The following OBP2B variants were observed in gnomAD, a reference collection of about 807,000 sequenced individuals.
OBP2B encodes the protein odorant-binding protein 2b.
A neutral mutation model predicts 21.7 loss-of-function variants in OBP2B; 10 were observed. The observed-to-expected ratio is 0.46, with a 90% CI of 0.28 to 0.78. The LOEUF is 0.78. OBP2B is among the 30% of genes least tolerant of loss of function. The probability of loss-of-function intolerance (pLI) is 0.11; values close to 1 mark genes in which losing one functional copy is unlikely to be tolerated. For missense variants in OBP2B, 153 were observed against 217.7 expected, an observed-to-expected ratio of 0.70 and a Z score of 1.87; for synonymous variants, 73 against 91.5, an observed-to-expected ratio of 0.80 and a Z score of 1.16.
chr9:133,207,167 C>T, intron 4 of OBP2B, 59 bp downstream of exon 4: 9 of 1,208,662 alleles, frequency 7.4e-6, no homozygotes, highest in Non-Finnish European at 1.1e-5. Context: ...GCTGGTTCCA[C>T]CGGCTTCCAG....
intron 4 of OBP2B, among the ~76,000 whole-genome samples, 188 bp downstream of exon 4, chr9:133,207,038 G>C (rs1328725962): frequency 6.6e-6 from 1 of 152,076 alleles, no homozygotes; most frequent in South Asian, 2.1e-4. Context: ...GGCCATGTCT[G>C]TCCCTGCCTG....
upstream of OBP2B, among the ~76,000 whole-genome samples, chr9:133,214,231 C>CA (rs1833948616): frequency 6.6e-6 from 1 of 152,162 alleles, no homozygotes; most frequent in Non-Finnish European, 1.5e-5. Context: ...AGAGCATCTA[C>CA]AAAAAACCTA....
At chr9:133,222,530 T>C in the OBP2B span, among the ~76,000 whole-genome samples, 20 of 152,168 alleles carry the variant, frequency 1.3e-4, no homozygotes, top group East Asian at 3.7e-3. Flanking sequence ...GAGTTCAAGA[T>C]CAGCCTGGCC....
chr9:133,206,936 T>C (rs1833736934), intron 4 of OBP2B, among the ~76,000 whole-genome samples: 1 of 151,872 alleles, frequency 6.6e-6, no homozygotes, highest in East Asian at 1.9e-4. Flanking sequence ...TGAAGAGCTC[T>C]CTTAGGACGC....
chr9:133,214,461 A>G, the OBP2B span, among the ~76,000 whole-genome samples: 24 of 152,360 alleles, frequency 1.6e-4, no homozygotes, highest in East Asian at 3.9e-4. Flanking sequence ...AGGTGTGGGA[A>G]ATATGTGGGA....
At chr9:133,208,697 G>A (rs1162227970) in intron 1 of OBP2B, 95 bp from the exon 2 acceptor site, 28 of 1,525,768 alleles carry the variant, frequency 1.8e-5, no homozygotes, top group Non-Finnish European at 2.2e-5. Context: ...GACACCCATG[G>A]TGCCCGGCTG....
chr9:133,207,801 C>T, intron 3 of OBP2B: 1 of 1,337,558 alleles, frequency 7.5e-7, no homozygotes, highest in Non-Finnish European at 1.0e-6. Flanking sequence ...CATCCTTAAC[C>T]CTCAGCTTCC....
chr9:133,211,543 T>C (rs780977176), upstream of OBP2B, among the ~76,000 whole-genome samples: 5 of 152,224 alleles, frequency 3.3e-5, no homozygotes, highest in Admixed American at 1.3e-4. Context: ...GAAACCCAGA[T>C]GTGCAAGTGA....
intron 6 of OBP2B, chr9:133,205,716 G>A (rs1833681808): frequency 1.0e-5 from 6 of 575,600 alleles, no homozygotes; most frequent in Non-Finnish European, 5.8e-6. Context: ...GGGCTGGCAG[G>A]TGCAGGAATG....
intron 3 of OBP2B, among the ~76,000 whole-genome samples, chr9:133,207,661 C>A (rs1307445901): frequency 3.9e-5 from 6 of 151,930 alleles, no homozygotes; most frequent in African/African-American, 1.2e-4. Flanking sequence ...TCAGCTTCCG[C>A]AGCACTAACC....
At chr9:133,206,131 C>T (rs1332003369) in intron 5 of OBP2B, among the ~76,000 whole-genome samples, 184 bp downstream of exon 5, 3 of 151,918 alleles carry the variant, frequency 2.0e-5, no homozygotes, top group African/African-American at 2.4e-5. Flanking sequence ...CAGACCCCAT[C>T]GCAGCCCAGA....
At chr9:133,216,011 G>A in the OBP2B span, among the ~76,000 whole-genome samples, 3 of 152,152 alleles carry the variant, frequency 2.0e-5, no homozygotes, top group African/African-American at 7.2e-5. Context: ...GAAAATCTTT[G>A]GGATATGGAG....
rs1833847926 is a variant in OBP2B, at chr9:133,209,003, C to G, written c.72+125G>C. 1 of 944,802 alleles carries G rather than the reference C, an allele frequency of 1.1e-6. No individual in the cohort carries two copies. The highest frequency in any genetic ancestry group is 1.7e-5 in the African/African-American group (1 of 59,964). 58.5% of individuals were successfully genotyped at this position (944,802 alleles called of 1,614,324 possible). A position where few individuals can be genotyped will look rare whatever the true frequency, so the allele number is the denominator to read the frequency against. On this transcript the variant is annotated intron_variant, in intron 1 of 6. Transcript: ENST00000372034. The surrounding 1 kb of genome is among the most constrained non-coding windows in gnomAD (Gnocchi z 6.0). ...ACAATAGGACCCCTCCACCACCACCCCAGGCTGGGAGCACGGGGTCAGAAG... is the reference window on the plus strand; with the variant it reads ...ACAATAGGACCCCTCCACCACCACCGCAGGCTGGGAGCACGGGGTCAGAAG...
At position 133,206,304 on chromosome 9, in the gene OBP2B, G is replaced by A. The variant is rs782353627; in HGVS notation, c.490+11C>T. 1.3e-5 allele frequency: 21 copies of A among 1,612,160 alleles called. No homozygotes were observed. The highest frequency in any genetic ancestry group is 2.2e-5 in the East Asian group (1 of 44,860). Reference sequence around the variant, plus strand: ...AGAGGGACACAGGGGACTGGGCACAGCCATCCTCACCCGTCTGCAGGGGCG... The same window carrying A: ...AGAGGGACACAGGGGACTGGGCACAACCATCCTCACCCGTCTGCAGGGGCG... On this transcript the variant is annotated intron_variant, in intron 5 of 6. Coordinates refer to ENST00000372034, the MANE Select transcript of OBP2B (RefSeq NM_014581.4).
the OBP2B span, among the ~76,000 whole-genome samples, chr9:133,221,013 A>G: frequency 6.6e-6 from 1 of 152,198 alleles, no homozygotes. Context: ...TCCAGAAGGA[A>G]CCAGCCCTGC....
Position 133,209,044 on chromosome 9 carries a change from A to C in OBP2B, c.72+84T>G. 2 of 1,563,252 alleles carry C rather than the reference A, an allele frequency of 1.3e-6. No homozygotes were observed. The highest frequency in any genetic ancestry group is 1.7e-6 in the Non-Finnish European group (2 of 1,153,956). ...GGGTCAGAAGCCAGCCTTCAGTGACACCTCCTAAAGCAGGGCCCCTGGCAC... is the reference window on the plus strand; with the variant it reads ...GGGTCAGAAGCCAGCCTTCAGTGACCCCTCCTAAAGCAGGGCCCCTGGCAC... On this transcript the variant is annotated intron_variant, in intron 1 of 6. Coordinates refer to ENST00000372034, the MANE Select transcript of OBP2B (RefSeq NM_014581.4). This position sits in a 1 kb window ranked among gnomAD's most constrained non-coding sequence, Gnocchi z 6.0.
At chr9:133,205,728 TAAAAC>T in intron 6 of OBP2B, 184 bp downstream of exon 6, 1 of 823,030 alleles carries the variant, frequency 1.2e-6, no homozygotes, top group South Asian at 1.7e-5. Context: ...GCAGGAATGA[TAAAAC>T]AAAGGACTTC....
chr9:133,209,948 T>C (rs563847948), upstream of OBP2B, among the ~76,000 whole-genome samples: 4 of 152,350 alleles, frequency 2.6e-5, no homozygotes, highest in East Asian at 5.8e-4. The surrounding 1 kb of genome is among the most constrained non-coding windows in gnomAD (Gnocchi z 6.0). Context: ...TGGATTGTCC[T>C]GTCCATTTCT....
intron 6 of OBP2B, 48 bp downstream of exon 6, chr9:133,205,869 A>T (rs782715084): frequency 6.2e-7 from 1 of 1,613,656 alleles, no homozygotes; most frequent in East Asian, 2.2e-5. Context: ...GAACCCCGGG[A>T]ACCCAGGACT....
Sources: allele counts gnomAD v4.1 joint callset (sites outside exome capture counted in the v4.1 genomes callset), GRCh38; gene constraint gnomAD v4.1.1; non-coding constraint Gnocchi (gnomAD v3.1); transcripts MANE v1.5; gene names NCBI Gene and HGNC (gene_info 2026-07-23, HGNC 2026-07-21).